The following FAT3 variants were observed in gnomAD, a reference collection of about 807,000 sequenced individuals.
FAT3 encodes the protein FAT atypical cadherin 3.
A neutral mutation model predicts 310.2 loss-of-function variants in FAT3; 95 were observed. The ratio of observed to expected loss-of-function variants is 0.31; its 90% CI spans 0.26 to 0.36. The LOEUF (loss-of-function observed/expected upper bound fraction) is 0.36, where lower values mean the gene tolerates loss of function less well. Ranked by LOEUF, FAT3 falls within the 10% of genes least tolerant of loss-of-function variation. The probability of loss-of-function intolerance (pLI) is 1.00; values close to 1 mark genes in which losing one functional copy is unlikely to be tolerated. For missense variants in FAT3, 5,408 were observed against 5,715.6 expected (o/e 0.95, Z 1.74); for synonymous variants, 2,314 against 2,192.9 (o/e 1.06, Z -1.54).
In FAT3 at chr11:92,412,740, T is replaced by A. The variant is rs796395055; in HGVS notation, c.3292+57336T>A. 7.1e-4 allele frequency among the ~76,000 whole-genome samples: 54 copies of A among 76,340 alleles called. 5 individuals carry two copies. Among genetic ancestry groups the A allele is most frequent in the African/African-American group, 3.6e-3 (38 of 10,676 alleles). The allele number at this position is 76,340 out of a possible 152,430, so 50.1% of individuals were successfully genotyped here. A position where few individuals can be genotyped will look rare whatever the true frequency, so the allele number is the denominator to read the frequency against. ...ATATATATATATATATATATATATA[T>A]ATATAAATATACATACATATATATA... On this transcript the variant is annotated intron_variant, in intron 2 of 27. Transcript: ENST00000525166.
rs115193354 is a variant in FAT3, at chr11:92,874,484, A to G, written c.12128-6247A>G. Among the ~76,000 whole-genome samples, 1,135 of 152,318 alleles carry G rather than the reference A, an allele frequency of 7.5e-3. 14 individuals are homozygous for G. The highest frequency in any genetic ancestry group is 0.026 in the African/African-American group (1,086 of 41,562). On this transcript the variant is annotated intron_variant, in intron 22 of 27. Coordinates refer to ENST00000525166, the MANE Select transcript of FAT3 (RefSeq NM_001367949.2). ...TGGGCTCAGTGATAAGTTCTAATAC[A>G]GTCTTGTAGAAAGATTTGAGAATCA...
intron 2 of FAT3, among the ~76,000 whole-genome samples, chr11:92,379,042 G>A (rs1392939793): frequency 6.6e-6 from 1 of 152,066 alleles, no homozygotes; most frequent in Non-Finnish European, 1.5e-5. Flanking sequence ...CAATAGCAGT[G>A]TTTTTCCCAT....
At chr11:92,715,569 A>G (rs1337078689) in intron 4 of FAT3, among the ~76,000 whole-genome samples, 1 of 152,096 alleles carries the variant, frequency 6.6e-6, no homozygotes, top group African/African-American at 2.4e-5. Context: ...GCATGCACAC[A>G]CACATACACA....
At chr11:92,818,645 C>G (rs1232051049) in intron 13 of FAT3, among the ~76,000 whole-genome samples, 4 of 152,178 alleles carry the variant, frequency 2.6e-5, no homozygotes. Flanking sequence ...ATGGGGAAAG[C>G]TCTGATGATT....
chr11:92,435,144 C>T (rs1013144050), intron 2 of FAT3, among the ~76,000 whole-genome samples: 5 of 152,116 alleles, frequency 3.3e-5, no homozygotes, highest in African/African-American at 1.2e-4. Context: ...AACTCAGGAC[C>T]TCAAGCCCCT....
At chr11:92,851,697 G>A (rs762637478) in intron 19 of FAT3, among the ~76,000 whole-genome samples, 6 of 152,124 alleles carry the variant, frequency 3.9e-5, no homozygotes, top group Non-Finnish European at 8.8e-5. Flanking sequence ...TGCTTACTGT[G>A]GTACCAAATT....
rs758465300 is a variant in FAT3, at chr11:92,835,101, G to A, written c.10086+17G>A. 11 of 1,605,336 alleles carry A rather than the reference G, an allele frequency of 6.9e-6. No homozygotes were observed. The East Asian group carries it at 1.8e-4, about 26-fold the overall frequency. On this transcript the variant is annotated intron_variant, in intron 15 of 27. Coordinates refer to ENST00000525166, the MANE Select transcript of FAT3 (RefSeq NM_001367949.2). ...GTCATTTTGGTAGGTACCTGGGGTT[G>A]GGGATGGTTCTAGATGTTTGGGACT...
intron 3 of FAT3, among the ~76,000 whole-genome samples, chr11:92,594,903 G>A (rs970198207): frequency 6.6e-6 from 1 of 152,016 alleles, no homozygotes; most frequent in African/African-American, 2.4e-5. Flanking sequence ...AGAAAAAAAT[G>A]TATAGTATGG....
rs562222275 is a variant in FAT3, at chr11:92,455,954, A to G, written c.3293-68680A>G. Among the ~76,000 whole-genome samples the G allele has an allele frequency of 4.6e-5, 7 of 152,304 alleles. No homozygotes were observed. In the South Asian group the frequency reaches 1.5e-3, roughly 32 times the overall value. ...GCTTTCCATAAATAAGACCAAATAA[A>G]TAGGTTGAGATAAGATAGAAGGATG... On this transcript the variant is annotated intron_variant, in intron 2 of 27. Transcript: ENST00000525166.
At chr11:92,795,679 G>C (rs972689354) in intron 9 of FAT3, among the ~76,000 whole-genome samples, 1 of 152,064 alleles carries the variant, frequency 6.6e-6, no homozygotes, top group Non-Finnish European at 1.5e-5. Context: ...TGGAGGCCAA[G>C]GCAGGTGGAT....
chr11:92,422,081 G>T (rs1950543720), intron 2 of FAT3, among the ~76,000 whole-genome samples: 1 of 152,128 alleles, frequency 6.6e-6, no homozygotes, highest in Non-Finnish European at 1.5e-5. Flanking sequence ...GGGCTCTCTG[G>T]TCAACTTTTT....
intron 1 of FAT3, among the ~76,000 whole-genome samples, chr11:92,260,577 T>C (rs886298927): frequency 2.0e-5 from 3 of 152,124 alleles, no homozygotes; most frequent in African/African-American, 7.2e-5. Context: ...TGCACCAGTG[T>C]AACAAGGCTT....
Position 92,695,186 on chromosome 11 carries a change from G to A in FAT3, c.3608-2198G>A, listed in dbSNP as rs560337866. ...GGCCTGTCTGGTCAGAAGAAGTAAG[G>A]TCAATAAAAAGTCACAGTGAGATTC... On this transcript the variant is annotated intron_variant, in intron 3 of 27. Coordinates refer to ENST00000525166, the MANE Select transcript of FAT3 (RefSeq NM_001367949.2). Among the ~76,000 whole-genome samples, 3 of 152,208 alleles carry A rather than the reference G, an allele frequency of 2.0e-5. No individual in the cohort carries two copies. The South Asian group carries it at 6.2e-4, about 32-fold the overall frequency.
intron 3 of FAT3, among the ~76,000 whole-genome samples, chr11:92,626,399 T>A (rs995480681): frequency 2.6e-5 from 4 of 152,106 alleles, no homozygotes; most frequent in Non-Finnish European, 5.9e-5. Context: ...AATGTACCAA[T>A]TTTTTAGCTA....
Position 92,887,089 on chromosome 11 carries a change from C to T in FAT3, c.13027C>T (p.Gln4343Ter). 1 of 1,611,252 alleles carries T rather than the reference C, an allele frequency of 6.2e-7. No individual in the cohort carries two copies. Among genetic ancestry groups the T allele is most frequent in the East Asian group, 2.2e-5 (1 of 44,868 alleles). Residue 4343 changes from glutamine to a stop codon, truncating the protein, a stop_gained, in exon 25 of 28, where the codon CAG (glutamine) becomes TAG (stop). Transcript: ENST00000525166. LOFTEE classifies it high-confidence loss of function. The part of the protein sequence containing the change: ...NSEVQSLSSF[Q>*]SDSGDDNASI... ...TGAAGTTCAGTCCCTCAGCTCCTTC[C>T]AGTCAGATTCTGGTGACGACAATGG...
At chr11:92,691,791 C>G (rs1943805505) in intron 3 of FAT3, among the ~76,000 whole-genome samples, 1 of 152,086 alleles carries the variant, frequency 6.6e-6, no homozygotes, top group African/African-American at 2.4e-5. Flanking sequence ...TCCTATTTCT[C>G]TGAAATTTCA....
chr11:92,659,400 C>T (rs111232805), intron 3 of FAT3, among the ~76,000 whole-genome samples: 13 of 152,276 alleles, frequency 8.5e-5, no homozygotes, highest in African/African-American at 2.9e-4. Flanking sequence ...AAGGTGCAGT[C>T]GTTAGCCTAG....
chr11:92,304,635 T>C (rs1947076018), intron 1 of FAT3, among the ~76,000 whole-genome samples: 1 of 152,138 alleles, frequency 6.6e-6, no homozygotes, highest in Admixed American at 6.6e-5. Flanking sequence ...GACTGGTCTC[T>C]GGGTCCTGTT....
At position 92,367,734 on chromosome 11, in the gene FAT3, T is replaced by C. The variant is rs188604468; in HGVS notation, c.3292+12330T>C. Among the ~76,000 whole-genome samples, 83 of 152,358 alleles carry C rather than the reference T, an allele frequency of 5.4e-4. No individual in the cohort carries two copies. The East Asian group carries it at 0.015, about 27-fold the overall frequency. ...ATAAATGAGTGTCTTCTACTGATCA[T>C]TCATCATGTTCCCTGTGGCCTTAGG... On this transcript the variant is annotated intron_variant, in intron 2 of 27. Transcript: ENST00000525166.
Sources: allele counts gnomAD v4.1 joint callset (sites outside exome capture counted in the v4.1 genomes callset), GRCh38; gene constraint gnomAD v4.1.1; transcripts MANE v1.5; gene names NCBI Gene and HGNC (gene_info 2026-07-23, HGNC 2026-07-21).